Variants in DPP6 observed in about 807,000 individuals in gnomAD.
The protein encoded by DPP6 is A-type potassium channel modulatory protein DPP6.
DPP6 carries 69 observed loss-of-function variants against 122.6 expected under a neutral mutation model. The observed-to-expected ratio is 0.56, with a 90% CI of 0.46 to 0.69. DPP6 has a LOEUF of 0.69. Ranked by LOEUF, DPP6 falls within the 30% of genes least tolerant of loss-of-function variation. The pLI, the probability that DPP6 is intolerant of heterozygous loss-of-function variation, is 0.00. For synonymous variants in DPP6, 418 were observed against 433.1 expected (o/e 0.97, Z 0.43); for missense variants, 928 against 1,116.9 (o/e 0.83, Z 2.41).
chr7:154,477,300 C>T (rs2151355818), intron 3 of DPP6, among the ~76,000 whole-genome samples: 1 of 152,222 alleles, frequency 6.6e-6, no homozygotes, highest in Non-Finnish European at 1.5e-5. Flanking sequence ...TCTCTTTCTG[C>T]TCCTTCTCTG....
chr7:154,666,411 A>G (rs981850039), intron 6 of DPP6, among the ~76,000 whole-genome samples: 1 of 152,090 alleles, frequency 6.6e-6, no homozygotes, highest in Non-Finnish European at 1.5e-5. Context: ...AGGGTACAAT[A>G]TGATATTTTG....
the DPP6 span, among the ~76,000 whole-genome samples, chr7:153,774,254 T>G: frequency 2.0e-5 from 3 of 152,142 alleles, no homozygotes; most frequent in African/African-American, 7.2e-5. Flanking sequence ...ATAAGAAAGT[T>G]TGGGAGAAGG....
intron 1 of DPP6, among the ~76,000 whole-genome samples, chr7:153,980,157 G>A: frequency 6.6e-6 from 1 of 152,184 alleles, no homozygotes; most frequent in Admixed American, 6.5e-5. Flanking sequence ...GAATTTGGCT[G>A]TGAATCCGTC....
intron 1 of DPP6, among the ~76,000 whole-genome samples, chr7:154,398,525 G>C (rs796470219): frequency 3.3e-5 from 5 of 152,246 alleles, no homozygotes; most frequent in African/African-American, 1.2e-4. Flanking sequence ...AGAAGAAAAC[G>C]TTATCTGCCA....
intron 1 of DPP6, among the ~76,000 whole-genome samples, chr7:153,964,983 C>CATTT (rs1795609735): frequency 3.3e-5 from 2 of 61,352 alleles, no homozygotes; most frequent in African/African-American, 1.6e-4. Flanking sequence ...CTTTTCCCTT[C>CATTT]CTTCCTTCCT....
chr7:154,810,965 G>T (rs2150475139), intron 16 of DPP6, among the ~76,000 whole-genome samples: 3 of 152,288 alleles, frequency 2.0e-5, no homozygotes, highest in Admixed American at 2.0e-4. Context: ...TTCTTTTGTT[G>T]ATTCAGAAAC....
the DPP6 span, among the ~76,000 whole-genome samples, chr7:153,789,572 G>T: frequency 2.6e-5 from 4 of 152,178 alleles, no homozygotes; most frequent in African/African-American, 9.6e-5. Context: ...AAATGTACAG[G>T]CACAGCTGGA....
At chr7:154,587,199 C>A (rs914637691) in intron 5 of DPP6, 2 of 203,950 alleles carry the variant, frequency 9.8e-6, no homozygotes, top group Non-Finnish European at 2.0e-5. Flanking sequence ...TGCACTCAGT[C>A]CTGCTGCACT....
At chr7:153,814,640 G>A in the DPP6 span, among the ~76,000 whole-genome samples, 6 of 152,106 alleles carry the variant, frequency 3.9e-5, no homozygotes, top group Admixed American at 2.0e-4. Context: ...CCAAAGCCGG[G>A]CAGAGACACA....
chr7:153,925,502 G>C (rs1321519723), intron 1 of DPP6, among the ~76,000 whole-genome samples: 1 of 151,620 alleles, frequency 6.6e-6, no homozygotes, highest in African/African-American at 2.4e-5. Context: ...CTGTGGTTCT[G>C]ATGAGGGGAG....
intron 19 of DPP6, among the ~76,000 whole-genome samples, chr7:154,874,593 A>G (rs1229226896): frequency 6.6e-6 from 1 of 152,208 alleles, no homozygotes; most frequent in East Asian, 1.9e-4. Context: ...CAGGACCCTA[A>G]GCATGCAGCA....
chr7:153,984,473 A>C (rs1372256038), intron 1 of DPP6, among the ~76,000 whole-genome samples: 1 of 152,192 alleles, frequency 6.6e-6, no homozygotes, highest in Non-Finnish European at 1.5e-5. Flanking sequence ...TCCCTTGCAA[A>C]TTCTGGTATC....
intron 1 of DPP6, among the ~76,000 whole-genome samples, chr7:154,291,963 C>T (rs1805240280): frequency 6.6e-6 from 1 of 152,222 alleles, no homozygotes; most frequent in African/African-American, 2.4e-5. Context: ...CTATACACAT[C>T]AGGGGGCCAG....
intron 1 of DPP6, among the ~76,000 whole-genome samples, chr7:154,164,183 C>G (rs1203982320): frequency 2.6e-5 from 4 of 151,176 alleles, no homozygotes; most frequent in Non-Finnish European, 4.4e-5. Flanking sequence ...AGAGTCTTCC[C>G]TGCCCTGCCC....
At chr7:154,513,312 A>G (rs899076743) in intron 3 of DPP6, among the ~76,000 whole-genome samples, 1 of 152,190 alleles carries the variant, frequency 6.6e-6, no homozygotes, top group African/African-American at 2.4e-5. Context: ...AGACATCTGC[A>G]TTACTGTGGG....
chr7:154,348,558 AT>A (rs1411222615), intron 1 of DPP6, among the ~76,000 whole-genome samples: 5 of 152,330 alleles, frequency 3.3e-5, no homozygotes, highest in South Asian at 2.1e-4. Flanking sequence ...CGTAGAAGTC[AT>A]TTTAGACTCA....
Position 153,927,023 on chromosome 7 carries a change from G to A in DPP6, c.51+39289G>A, listed in dbSNP as rs370699686. Among the ~76,000 whole-genome samples, 5 of 148,000 alleles carry A rather than the reference G, an allele frequency of 3.4e-5. No homozygotes were observed. The East Asian group carries it at 5.9e-4, about 18-fold the overall frequency. On this transcript the variant is annotated intron_variant, in intron 1 of 25. Coordinates refer to the DPP6 transcript ENST00000404039. Reference sequence around the variant, plus strand: ...AGTTAAATTTTTTTTTTTTTTTACTGAAAGTAATAATTGGCTGGGCATGGT... The same window carrying A: ...AGTTAAATTTTTTTTTTTTTTTACTAAAAGTAATAATTGGCTGGGCATGGT...
At chr7:154,059,408 A>C (rs868423621) in intron 1 of DPP6, 3 of 133,568 alleles carry the variant, frequency 2.2e-5, no homozygotes, top group Non-Finnish European at 3.2e-5. Context: ...AAGTAGAAAG[A>C]TCAAATCTTC....
chr7:154,023,942 C>T (rs1798845852), intron 1 of DPP6, among the ~76,000 whole-genome samples: 1 of 152,122 alleles, frequency 6.6e-6, no homozygotes, highest in Admixed American at 6.5e-5. Context: ...TAGGGGTGCC[C>T]AACAGCTTAC....
Sources: gnomAD v4.1 joint callset for allele counts (sites outside exome capture counted in the v4.1 genomes callset) on GRCh38, gnomAD v4.1.1 for gene constraint, MANE v1.5 for transcripts, NCBI Gene and HGNC (gene_info 2026-07-23, HGNC 2026-07-21) for gene names.